FAR2: variants seen among roughly 807,000 people sequenced by gnomAD.
FAR2 encodes the protein fatty acyl-CoA reductase 2.
A neutral mutation model predicts 56.0 loss-of-function variants in FAR2; 19 were observed. The observed-to-expected ratio is 0.34, with a 90% confidence interval of 0.24 to 0.50. FAR2 has a LOEUF of 0.50. Ranked by LOEUF, FAR2 falls within the 20% of genes least tolerant of loss-of-function variation. The pLI, the probability that FAR2 is intolerant of heterozygous loss-of-function variation, is 0.98. For missense variants in FAR2, 508 were observed against 642.2 expected, an observed-to-expected ratio of 0.79 and a Z score of 2.26; for synonymous variants, 219 against 218.8, an observed-to-expected ratio of 1.00 and a Z score of -0.01.
chr12:29,311,666 T>TCTCACACA lies in FAR2; in HGVS notation c.888-216_888-215insTCACACAC, dbSNP rs1555123662. ...ATGTCACTCCTATTTAACATCTCTT[T>TCTCACACA]CACACACACACACACACACACACAC... On this transcript the variant is annotated intron_variant, in intron 7 of 11. Coordinates refer to ENST00000536681, the MANE Select transcript of FAR2 (RefSeq NM_001271783.2). 6.8e-3 allele frequency among the ~76,000 whole-genome samples: 1,008 copies of TCTCACACA among 147,528 alleles called. 9 individuals carry two copies. Among genetic ancestry groups the TCTCACACA allele is most frequent in the East Asian group, 0.015 (75 of 5,040 alleles).
intron 1 of FAR2, among the ~76,000 whole-genome samples, chr12:29,226,797 G>T (rs1039882104): frequency 3.3e-5 from 5 of 152,114 alleles, no homozygotes; most frequent in African/African-American, 1.2e-4. Flanking sequence ...TACATGAAAA[G>T]AATTGGTATT....
intron 4 of FAR2, among the ~76,000 whole-genome samples, chr12:29,300,686 C>T (rs1949148631): frequency 6.6e-6 from 1 of 151,998 alleles, no homozygotes; most frequent in South Asian, 2.1e-4. Context: ...GGTCTAGTGG[C>T]TGCCATTGCT....
intron 1 of FAR2, among the ~76,000 whole-genome samples, chr12:29,225,853 G>A (rs1159388497): frequency 6.6e-6 from 1 of 152,180 alleles, no homozygotes; most frequent in East Asian, 1.9e-4. Context: ...AAAGGACTAT[G>A]GTTTGGAAAT....
intron 10 of FAR2, among the ~76,000 whole-genome samples, chr12:29,328,719 A>C (rs963206907): frequency 1.5e-5 from 2 of 133,764 alleles, no homozygotes; most frequent in Non-Finnish European, 3.2e-5. Context: ...AGGAAGGGGA[A>C]CATCACACAC....
chr12:29,297,217 A>C lies in FAR2; in HGVS notation c.545+17A>C. 2 of 1,605,930 alleles carry C rather than the reference A, an allele frequency of 1.2e-6. No individual in the cohort carries two copies. Among genetic ancestry groups the C allele is most frequent in the South Asian group, 2.2e-5 (2 of 89,576 alleles). ...TTCCCTTGAGTAAGTTGGTCTAATA[A>C]AAGGATCAAGGGGCGGGTAGAATAA... On this transcript the variant is annotated intron_variant, in intron 4 of 11. Coordinates refer to ENST00000536681, the MANE Select transcript of FAR2 (RefSeq NM_001271783.2).
rs561843683 is a variant in FAR2, at chr12:29,289,213, G to A, written c.190-4087G>A. On this transcript the variant is annotated intron_variant, in intron 2 of 11. Transcript: ENST00000536681. ...ACAATCCTAAAATTTATTTGGAACC[G>A]CAAAAGACTGAGAATAGCCAAAGCT... Among the ~76,000 whole-genome samples the A allele has an allele frequency of 3.7e-4, 57 of 152,110 alleles. No homozygotes were observed. The South Asian group carries it at 5.4e-3, about 14-fold the overall frequency.
intron 1 of FAR2, among the ~76,000 whole-genome samples, chr12:29,227,917 GAAGT>G: frequency 6.6e-6 from 1 of 151,462 alleles, no homozygotes; most frequent in African/African-American, 2.4e-5. Flanking sequence ...CTCCTTTTAA[GAAGT>G]AAGTTCTAAT....
chr12:29,228,421 T>C (rs1263383513), intron 1 of FAR2, among the ~76,000 whole-genome samples: 3 of 152,216 alleles, frequency 2.0e-5, no homozygotes, highest in Admixed American at 6.5e-5. Context: ...TATTTTAAAG[T>C]ATTTTATTAT....
intron 1 of FAR2, among the ~76,000 whole-genome samples, chr12:29,200,327 A>G (rs536591016): frequency 6.6e-6 from 1 of 152,348 alleles, no homozygotes; most frequent in Non-Finnish European, 1.5e-5. Flanking sequence ...CAAGGAGACT[A>G]AGAAGGAGCC....
intron 1 of FAR2, among the ~76,000 whole-genome samples, chr12:29,235,373 A>C (rs1947924278): frequency 1.3e-5 from 2 of 152,290 alleles, no homozygotes; most frequent in Middle Eastern, 3.4e-3. Context: ...GCTGCAGTCC[A>C]TGCTGGGGTT....
intron 4 of FAR2, among the ~76,000 whole-genome samples, chr12:29,299,012 G>C (rs564116644): frequency 6.6e-6 from 1 of 151,892 alleles, no homozygotes; most frequent in African/African-American, 2.4e-5. Context: ...TCAGGAGTTC[G>C]AGACCAGCCT....
chr12:29,222,509 C>G (rs2136640636), intron 1 of FAR2, among the ~76,000 whole-genome samples: 1 of 152,000 alleles, frequency 6.6e-6, no homozygotes, highest in Non-Finnish European at 1.5e-5. Flanking sequence ...CTTAAGGTAT[C>G]AAGGAAGGGG....
intron 1 of FAR2, among the ~76,000 whole-genome samples, chr12:29,183,021 T>C (rs1174106469): frequency 6.7e-6 from 1 of 149,438 alleles, no homozygotes; most frequent in African/African-American, 2.5e-5. Flanking sequence ...ATCACTCCAC[T>C]AAACAACTCT....
intron 1 of FAR2, among the ~76,000 whole-genome samples, chr12:29,263,987 C>T (rs891694258): frequency 1.8e-4 from 27 of 151,916 alleles, no homozygotes; most frequent in African/African-American, 6.0e-4. Context: ...ATACCAAAAC[C>T]AGATAAAGAC....
Position 29,203,991 on chromosome 12 carries a change from T to C in FAR2, c.-39+54584T>C, listed in dbSNP as rs555523601. Among the ~76,000 whole-genome samples, 202 of 92,154 alleles carry C rather than the reference T, an allele frequency of 2.2e-3. 1 individual carries two copies. Among genetic ancestry groups the C allele is most frequent in the African/African-American group, 7.9e-3 (196 of 24,818 alleles). 60.5% of individuals were successfully genotyped at this position (92,154 alleles called of 152,430 possible). ...CTCCAGCCTGGGAGAGAGAGTGAGA[T>C]TCCATCTCAAAAAAAAAAAAAAAAA... On this transcript the variant is annotated intron_variant, in intron 1 of 11. Transcript: ENST00000536681.
At chr12:29,297,245 T>C (rs1246903290) in intron 4 of FAR2, 45 bp downstream of exon 4, 3 of 1,516,374 alleles carry the variant, frequency 2.0e-6, no homozygotes, top group Non-Finnish European at 2.7e-6. Context: ...TAGAATAAGT[T>C]CCTTTGTTCT....
At chr12:29,176,275 A>C (rs1443995080) in intron 1 of FAR2, among the ~76,000 whole-genome samples, 1 of 152,180 alleles carries the variant, frequency 6.6e-6, no homozygotes, top group Non-Finnish European at 1.5e-5. Context: ...ATAATTGTTC[A>C]TTTGCTTTTC....
At chr12:29,234,963 T>G (rs1369601717) in intron 1 of FAR2, among the ~76,000 whole-genome samples, 4 of 152,210 alleles carry the variant, frequency 2.6e-5, no homozygotes, top group Non-Finnish European at 5.9e-5. Context: ...TACAATATCT[T>G]GGAGAGTGTA....
In FAR2 at chr12:29,179,695, G is replaced by C. The variant is rs553809703; in HGVS notation, c.-39+30288G>C. Among the ~76,000 whole-genome samples the C allele has an allele frequency of 2.6e-5, 4 of 152,242 alleles. No homozygotes were observed. The East Asian group carries it at 5.8e-4, about 22-fold the overall frequency. ...CAGGAATACTTTTCCTATGATGAGT[G>C]GAAAAACTGAGGCATGGAGAGAATC... On this transcript the variant is annotated intron_variant, in intron 1 of 11. Coordinates refer to ENST00000536681, the MANE Select transcript of FAR2 (RefSeq NM_001271783.2).
Sources: gnomAD v4.1 joint callset for allele counts (sites outside exome capture counted in the v4.1 genomes callset) on GRCh38, gnomAD v4.1.1 for gene constraint, MANE v1.5 for transcripts, NCBI Gene and HGNC (gene_info 2026-07-23, HGNC 2026-07-21) for gene names.